The following C3orf38 variants were observed in gnomAD, a reference collection of about 807,000 sequenced individuals.
C3orf38 encodes uncharacterized protein C3orf38.
A neutral mutation model predicts 28.3 loss-of-function variants in C3orf38; 18 were observed. That is an observed-to-expected ratio of 0.64 (90% CI 0.44 to 0.94). The LOEUF (loss-of-function observed/expected upper bound fraction) is 0.94, where lower values mean the gene tolerates loss of function less well. Ranked by LOEUF, C3orf38 falls within the 40% of genes least tolerant of loss-of-function variation. C3orf38 has a pLI of 0.00. For missense variants in C3orf38, 364 were observed against 396.4 expected, an observed-to-expected ratio of 0.92 and a Z score of 0.69; for synonymous variants, 145 against 138.1, an observed-to-expected ratio of 1.05 and a Z score of -0.35.
intron 2 of C3orf38, among the ~76,000 whole-genome samples, chr3:88,154,029 T>A (rs1207156207): frequency 1.3e-5 from 2 of 152,198 alleles, no homozygotes; most frequent in East Asian, 1.9e-4. Flanking sequence ...ATCAGCATCA[T>A]CAAATGAGGA....
chr3:88,154,207 T>A (rs1002652148), intron 2 of C3orf38, among the ~76,000 whole-genome samples: 1 of 152,110 alleles, frequency 6.6e-6, no homozygotes, highest in Non-Finnish European at 1.5e-5. Flanking sequence ...TTAAAAAAAA[T>A]TTTCTTTTAA....
intron 1 of C3orf38, 49 bp downstream of exon 1, chr3:88,150,234 C>T (rs1707387347): frequency 3.1e-6 from 5 of 1,604,192 alleles, no homozygotes; most frequent in Non-Finnish European, 4.3e-6. Flanking sequence ...TCCCCGGCCT[C>T]ACGCCTACCC....
rs374892230 is a variant in C3orf38, at chr3:88,156,593, T to C, written c.948T>C (p.Asn316=). The C allele has an allele frequency of 1.4e-5, 22 of 1,613,118 alleles. No homozygotes were observed. In the African/African-American group the frequency reaches 1.9e-4, roughly 14 times the overall value. The change falls in exon 3 of 3, where the codon AAT becomes AAC. Residue 316 remains asparagine (N), a synonymous_variant. Coordinates refer to ENST00000318887, the MANE Select transcript of C3orf38 (RefSeq NM_173824.4). ...GTGGTACCAATGAAGTACGACATAA[T>C]GTAAAGCAGGCTTCGGATAGTGGAA... ...TVCGTNEVRH[N]VKQASDSGTG...
intron 1 of C3orf38, among the ~76,000 whole-genome samples, chr3:88,150,447 T>A (rs896233289): frequency 6.6e-6 from 1 of 152,208 alleles, no homozygotes; most frequent in South Asian, 2.1e-4. Flanking sequence ...TTTTTAAAAA[T>A]TTTAAAAAAT....
intron 2 of C3orf38, among the ~76,000 whole-genome samples, chr3:88,153,936 A>C (rs1412744690): frequency 6.6e-6 from 1 of 152,176 alleles, no homozygotes; most frequent in Non-Finnish European, 1.5e-5. Flanking sequence ...GAGACCAGTA[A>C]AGCAACTAAG....
Position 88,156,868 on chromosome 3 carries a change from G to T in C3orf38, c.*233G>T. On this transcript the variant is annotated 3_prime_UTR_variant, in exon 3 of 3. Coordinates refer to ENST00000318887, the MANE Select transcript of C3orf38 (RefSeq NM_173824.4). The stretch of plus-strand genomic sequence containing the variant: ...ATACTTACCTATTTCTACCCGAGTT[G>T]CAGCAAGTATTCTGAAAGCTTAATG... The T allele has an allele frequency of 2.3e-6, 1 of 441,456 alleles. No individual in the cohort carries two copies. The allele number at this position is 441,456 out of a possible 1,614,324, so 27.3% of individuals were successfully genotyped here.
In C3orf38 at chr3:88,156,697, G is replaced by A. The variant is rs1242077119; in HGVS notation, c.*62G>A. 5.9e-6 allele frequency: 9 copies of A among 1,515,846 alleles called. No homozygotes were observed. Among genetic ancestry groups the A allele is most frequent in the East Asian group, 2.3e-5 (1 of 44,214 alleles). The allele number at this position is 1,515,846 out of a possible 1,614,324, so 93.9% of individuals were successfully genotyped here. Reference sequence around the variant, plus strand: ...CTGGGTTTACCTGACCCTCTAAAGCGCTAAGTACTGTCAGCCTGAAAAAAA... The same window carrying A: ...CTGGGTTTACCTGACCCTCTAAAGCACTAAGTACTGTCAGCCTGAAAAAAA... On this transcript the variant is annotated 3_prime_UTR_variant, in exon 3 of 3. Coordinates refer to ENST00000318887, the MANE Select transcript of C3orf38 (RefSeq NM_173824.4).
intron 2 of C3orf38, among the ~76,000 whole-genome samples, chr3:88,155,228 C>G (rs1178080213): frequency 1.3e-5 from 2 of 151,984 alleles, no homozygotes; most frequent in Non-Finnish European, 2.9e-5. Flanking sequence ...AGAAAATAAC[C>G]TGTTTCAATC....
rs2107931572 is a variant in C3orf38, at chr3:88,153,603, G to A, written c.375+132G>A. On this transcript the variant is annotated intron_variant, in intron 2 of 2. Transcript: ENST00000318887. ...TATTTTTATTTTTTAAGAGATTCTT[G>A]CTCTGTTGCCCAGGCTGGAGTGCAG... is the stretch of plus-strand genomic sequence containing the variant. 5 of 1,122,806 alleles carry A rather than the reference G, an allele frequency of 4.5e-6. No homozygotes were observed. The South Asian group carries it at 8.4e-5, about 19-fold the overall frequency. 69.6% of individuals were successfully genotyped at this position (1,122,806 alleles called of 1,614,324 possible).
chr3:88,153,148 T>A (rs1707438012), intron 1 of C3orf38, 82 bp from the exon 2 acceptor site: 1 of 1,287,812 alleles, frequency 7.8e-7, no homozygotes, highest in Non-Finnish European at 1.1e-6. Flanking sequence ...TTTATAAACA[T>A]ATTTGATAGA....
At position 88,153,445 on chromosome 3, in the gene C3orf38, A is replaced by G. The variant is rs756008228; in HGVS notation, c.349A>G (p.Thr117Ala). Residue 117 changes from threonine (T) to alanine (A), a missense_variant, in exon 2 of 3, where the codon ACA becomes GCA. Transcript: ENST00000318887. ...LKETPEPVTK[T>A]EDIHLFQQQV... ...GGAAACGCCAGAGCCAGTTACAAAG[A>G]CAGAGGACATCCACCTATTTCAACA... The G allele has an allele frequency of 6.2e-7, 1 of 1,614,146 alleles. No homozygotes were observed. The highest frequency in any genetic ancestry group is 1.1e-5 in the South Asian group (1 of 91,088).
intron 1 of C3orf38, among the ~76,000 whole-genome samples, chr3:88,151,235 T>C (rs1707407707): frequency 6.6e-6 from 1 of 152,094 alleles, no homozygotes; most frequent in African/African-American, 2.4e-5. Flanking sequence ...TATGAAAGTA[T>C]ACTCAGCATC....
Position 88,156,583 on chromosome 3 carries a change from TACG to T in C3orf38, c.941_943del (p.Arg314del), listed in dbSNP as rs1311709739. 5 of 1,613,744 alleles carry T rather than the reference TACG, an allele frequency of 3.1e-6. No homozygotes were observed. In the East Asian group the frequency reaches 1.1e-4, roughly 36 times the overall value. On this transcript the variant is annotated inframe_deletion, in exon 3 of 3. Transcript: ENST00000318887. The stretch of plus-strand genomic sequence containing the variant: ...ATCACTGTATGTGGTACCAATGAAG[TACG>T]ACATAATGTAAAGCAGGCTTCGGAT...
At chr3:88,154,626 T>C (rs1463940136) in intron 2 of C3orf38, among the ~76,000 whole-genome samples, 1 of 152,168 alleles carries the variant, frequency 6.6e-6, no homozygotes, top group East Asian at 1.9e-4. Flanking sequence ...CTTTCTTACT[T>C]TATGTACTGA....
chr3:88,153,181 T>A (rs754155352), intron 1 of C3orf38, 49 bp from the exon 2 acceptor site: 1 of 1,568,378 alleles, frequency 6.4e-7, no homozygotes, highest in Non-Finnish European at 8.6e-7. Flanking sequence ...CTGGCACAAA[T>A]TTGTAAGTGC....
At chr3:88,155,831 A>G (rs1304573934) in intron 2 of C3orf38, among the ~76,000 whole-genome samples, 190 bp from the exon 3 acceptor site, 1 of 152,128 alleles carries the variant, frequency 6.6e-6, no homozygotes, top group Non-Finnish European at 1.5e-5. Flanking sequence ...TTAAGCTGGA[A>G]ATTTCTAAAA....
Position 88,156,831 on chromosome 3 carries a change from C to T in C3orf38, c.*196C>T. ...AATACCTTTCTGGACTACAGACTTACATATCATGTGAATACTTACCTATTT... is the reference window on the plus strand; with the variant it reads ...AATACCTTTCTGGACTACAGACTTATATATCATGTGAATACTTACCTATTT... On this transcript the variant is annotated 3_prime_UTR_variant, in exon 3 of 3. Transcript: ENST00000318887. 1 of 577,972 alleles carries T rather than the reference C, an allele frequency of 1.7e-6. No individual in the cohort carries two copies. The highest frequency in any genetic ancestry group is 1.9e-5 in the African/African-American group (1 of 53,504). The allele number at this position is 577,972 out of a possible 1,614,324, so 35.8% of individuals were successfully genotyped here. A position where few individuals can be genotyped will look rare whatever the true frequency, so the allele number is the denominator to read the frequency against.
In C3orf38 at chr3:88,156,098, A is replaced by C. The variant is rs746244345; in HGVS notation, c.453A>C (p.Gly151=). Residue 151 remains glycine (G), a synonymous_variant, in exon 3 of 3, where the codon GGA becomes GGC. Transcript: ENST00000318887. The part of the protein sequence containing the change: ...LGEEFCHWFF[G]LLNSQNPFLG... Reference sequence around the variant, plus strand: ...AAGAATTCTGTCATTGGTTCTTTGGACTTCTTAATTCTCAGAATCCTTTTC... The same window carrying C: ...AAGAATTCTGTCATTGGTTCTTTGGCCTTCTTAATTCTCAGAATCCTTTTC... 3 of 1,600,782 alleles carry C rather than the reference A, an allele frequency of 1.9e-6. No individual in the cohort carries two copies. The African/African-American group carries it at 4.0e-5, about 22-fold the overall frequency.
chr3:88,151,525 G>T (rs1276050949), intron 1 of C3orf38, among the ~76,000 whole-genome samples: 4 of 152,106 alleles, frequency 2.6e-5, no homozygotes, highest in Admixed American at 2.6e-4. Flanking sequence ...TAAAATGCAG[G>T]TTCTGACTCA....
Sources: gnomAD v4.1 joint callset for allele counts (sites outside exome capture counted in the v4.1 genomes callset) on GRCh38, gnomAD v4.1.1 for gene constraint, MANE v1.5 for transcripts, NCBI Gene and HGNC (gene_info 2026-07-23, HGNC 2026-07-21) for gene names.